BEND3: variants seen among roughly 807,000 people sequenced by gnomAD.
The protein encoded by BEND3 is BEN domain containing 3.
BEND3 carries 13 observed loss-of-function variants against 60.1 expected under a neutral mutation model. The observed-to-expected ratio is 0.22, with a 90% CI of 0.14 to 0.34. The LOEUF is 0.34. Ranked by LOEUF, BEND3 falls within the 10% of genes least tolerant of loss-of-function variation. The pLI, the probability that BEND3 is intolerant of heterozygous loss-of-function variation, is 1.00. For synonymous variants in BEND3, 497 were observed against 491.5 expected (o/e 1.01, Z -0.15); for missense variants, 896 against 1,138.1 (o/e 0.79, Z 3.06).
chr6:107,066,173 C>T lies in BEND3; in HGVS notation c.*2531G>A, dbSNP rs1554230801. On this transcript the variant is annotated 3_prime_UTR_variant, in exon 4 of 4. Coordinates refer to ENST00000369042, the MANE Select transcript of BEND3 (RefSeq NM_001367314.1). ...AGATGTGGGGGAAGGAAAGCGACTG[C>T]CAACAGGTTTCATGGAACACATTAA... 4 of 151,260 alleles carry T rather than the reference C, an allele frequency of 2.6e-5. No homozygotes were observed. The allele number at this position is 151,260 out of a possible 1,614,324, so 9.4% of individuals were successfully genotyped here.
rs1455642436 is a variant in BEND3 at position 107,068,962 on chromosome 6, G to C, written c.2229C>G (p.Leu743=). 5.6e-6 allele frequency: 9 copies of C among 1,613,732 alleles called. No individual in the cohort carries two copies. The Admixed American group carries it at 1.2e-4, about 21-fold the overall frequency. The change falls in exon 4 of 4, where the codon CTC becomes CTG. Residue 743 remains leucine (L), a synonymous_variant. Transcript: ENST00000369042. This position sits in a 1 kb window ranked among gnomAD's most constrained non-coding sequence, Gnocchi z 5.8. ...SLSVGNFAAR[L]LVRLFPELFT... is the part of the protein sequence containing the mutation. ...AGAGTTCGGGAAACAGGCGGACGAG[G>C]AGCCGGGCGGCAAAGTTGCCCACGG... is the stretch of plus-strand genomic sequence containing the variant.
intron 3 of BEND3, among the ~76,000 whole-genome samples, chr6:107,085,182 C>T (rs1350972743): frequency 2.6e-5 from 4 of 152,164 alleles, no homozygotes; most frequent in Non-Finnish European, 4.4e-5. Flanking sequence ...AGCGAGACCA[C>T]GAACCCACCG....
chr6:107,110,826 A>T (rs1482698999), intron 1 of BEND3, among the ~76,000 whole-genome samples: 3 of 150,914 alleles, frequency 2.0e-5, no homozygotes, highest in Non-Finnish European at 4.4e-5. Context: ...AAATGCTGGG[A>T]CTACAGGTGT....
chr6:107,110,766 G>A (rs1554238277), intron 1 of BEND3, among the ~76,000 whole-genome samples: 1 of 151,994 alleles, frequency 6.6e-6, no homozygotes, highest in Non-Finnish European at 1.5e-5. Context: ...TGTTGGCCAG[G>A]CTGGTCTGCA....
intron 1 of BEND3, among the ~76,000 whole-genome samples, chr6:107,104,678 ATT>A (rs781882799): frequency 1.6e-4 from 22 of 141,406 alleles, no homozygotes; most frequent in African/African-American, 4.4e-4. Context: ...TTTCTTTTGG[ATT>A]TTTTTTTTTT....
intron 1 of BEND3, among the ~76,000 whole-genome samples, chr6:107,114,650 G>A (rs1770220777): frequency 7.0e-6 from 1 of 142,196 alleles, no homozygotes. Flanking sequence ...AAGCCGCCGC[G>A]AGTACGGCAG....
At chr6:107,114,729 AGTGGGGCGG>A (rs1285060951) in intron 1 of BEND3, among the ~76,000 whole-genome samples, 1 of 144,214 alleles carries the variant, frequency 6.9e-6, no homozygotes, top group Non-Finnish European at 1.5e-5. Flanking sequence ...GCGCGGCGCG[AGTGGGGCGG>A]GCGGCGGCGG....
At chr6:107,114,351 C>T (rs1329838363) in intron 1 of BEND3, 1 of 152,114 alleles carries the variant, frequency 6.6e-6, no homozygotes, top group African/African-American at 2.4e-5. Flanking sequence ...GGGCCCGCCT[C>T]CAGCTCCTGG....
chr6:107,097,618 C>T (rs1436993765), intron 3 of BEND3, among the ~76,000 whole-genome samples: 4 of 151,342 alleles, frequency 2.6e-5, no homozygotes, highest in African/African-American at 2.4e-5. Flanking sequence ...TGGAGAAACC[C>T]TGTATCTACT....
rs1290018499 is a variant in BEND3, at chr6:107,065,310, G to C, written c.*3394C>G. ...TTTTTGTTACATTCAGTTTCCTAAG[G>C]ATGCACTCCAATCTATGGTAAAATG... On this transcript the variant is annotated 3_prime_UTR_variant, in exon 4 of 4. Transcript: ENST00000369042. The C allele has an allele frequency of 1.3e-5, 2 of 152,664 alleles. No homozygotes were observed. Among genetic ancestry groups the C allele is most frequent in the South Asian group, 2.1e-4 (1 of 4,818 alleles). The allele number at this position is 152,664 out of a possible 1,614,324, so 9.5% of individuals were successfully genotyped here.
At chr6:107,104,245 G>C (rs1237462476) in intron 1 of BEND3, among the ~76,000 whole-genome samples, 2 of 147,612 alleles carry the variant, frequency 1.4e-5, no homozygotes, top group Non-Finnish European at 3.0e-5. Flanking sequence ...AGCCGAGATC[G>C]CGCCACTGCA....
intron 3 of BEND3, among the ~76,000 whole-genome samples, chr6:107,077,207 G>A (rs1775118566): frequency 6.6e-6 from 1 of 152,136 alleles, no homozygotes; most frequent in African/African-American, 2.4e-5. Flanking sequence ...TTGAGCTCCA[G>A]TAATCGGCCC....
At position 107,069,926 on chromosome 6, in the gene BEND3, A is replaced by T; in HGVS notation, c.1265T>A (p.Leu422His). The change falls in exon 4 of 4, where the codon CTC (leucine) becomes CAC (histidine). Residue 422 changes from leucine (L) to histidine (H), a missense_variant. This residue lies in a region of BEND3 where 846 missense variants were observed against 1,036.7 expected (regional missense o/e 0.82). Coordinates refer to ENST00000369042, the MANE Select transcript of BEND3 (RefSeq NM_001367314.1). ...TTCACCCAGCTTGCGGTGGTCGAAG[A>T]GCTCGGGGAAGAGCCGGTGGAGGAG... ...VFLLHRLFPE[L>H]FDHRKLGEQY... The T allele has an allele frequency of 6.2e-7, 1 of 1,613,806 alleles. No homozygotes were observed. Among genetic ancestry groups the T allele is most frequent in the Non-Finnish European group, 8.5e-7 (1 of 1,180,010 alleles).
chr6:107,114,542 C>T lies in BEND3; in HGVS notation c.-12+548G>A, dbSNP rs536796552. 1,292 of 151,830 alleles carry T rather than the reference C, an allele frequency of 8.5e-3. 19 individuals carry two copies. Among genetic ancestry groups the T allele is most frequent in the African/African-American group, 0.029 (1,218 of 41,462 alleles). The allele number at this position is 151,830 out of a possible 1,614,324, so 9.4% of individuals were successfully genotyped here. A position where few individuals can be genotyped will look rare whatever the true frequency, so the allele number is the denominator to read the frequency against. ...CTCCCCCGGCCTCCCGCTCGCCGCCCGGCATCTCCCTCCAGTCCCCGCCCC... is the reference window on the plus strand; with the variant it reads ...CTCCCCCGGCCTCCCGCTCGCCGCCTGGCATCTCCCTCCAGTCCCCGCCCC... On this transcript the variant is annotated intron_variant, in intron 1 of 3. Transcript: ENST00000369042.
At chr6:107,077,342 C>T (rs986477200) in intron 3 of BEND3, among the ~76,000 whole-genome samples, 1 of 152,102 alleles carries the variant, frequency 6.6e-6, no homozygotes, top group African/African-American at 2.4e-5. Context: ...GGCGTGACCC[C>T]ACTACTGATC....
At chr6:107,113,943 T>C (rs1770189668) in intron 1 of BEND3, 1 of 152,252 alleles carries the variant, frequency 6.6e-6, no homozygotes, top group Admixed American at 6.5e-5. Context: ...ATGTTTACTA[T>C]TTGTATTCAA....
intron 3 of BEND3, among the ~76,000 whole-genome samples, chr6:107,082,024 A>G (rs1228704039): frequency 6.6e-6 from 1 of 152,182 alleles, no homozygotes; most frequent in African/African-American, 2.4e-5. Context: ...AACAATAGCC[A>G]CAATACTCCC....
chr6:107,069,300 A>G lies in BEND3; in HGVS notation c.1891T>C (p.Trp631Arg). Reference protein sequence around the residue: ...LYPRAKNDRVWTLEFVGKLDE... With the variant: ...LYPRAKNDRVRTLEFVGKLDE... ...AGTTTGCCCACGAACTCCAGGGTCCAGACGCGGTCGTTTTTGGCGCGTGGG... is the reference window on the plus strand; with the variant it reads ...AGTTTGCCCACGAACTCCAGGGTCCGGACGCGGTCGTTTTTGGCGCGTGGG... Residue 631 changes from tryptophan to arginine, a missense_variant, in exon 4 of 4, where the codon TGG becomes CGG. Physicochemically the swap from Trp to Arg is moderately radical, Grantham distance 101. This residue lies in a region of BEND3 where 846 missense variants were observed against 1,036.7 expected (regional missense o/e 0.82). Transcript: ENST00000369042. The G allele has an allele frequency of 6.2e-7, 1 of 1,613,364 alleles. No individual in the cohort carries two copies. The highest frequency in any genetic ancestry group is 8.5e-7 in the Non-Finnish European group (1 of 1,179,918).
In BEND3 at chr6:107,070,945, G is replaced by A; in HGVS notation, c.246C>T (p.Leu82=). Residue 82 remains leucine (L), a synonymous_variant, in exon 4 of 4, where the codon CTC becomes CTT. Transcript: ENST00000369042. This position sits in a 1 kb window ranked among gnomAD's most constrained non-coding sequence, Gnocchi z 6.9. ...TCTCACGGTTCCGCATGCCTGCTAG[G>A]AGAGCCTGCAAAACAAAAATCATTT... ...VKRRRLIPEA[L]LAGMRNRENS... is the part of the protein sequence containing the mutation. The A allele has an allele frequency of 6.2e-7, 1 of 1,603,794 alleles. No individual in the cohort carries two copies. The highest frequency in any genetic ancestry group is 8.5e-7 in the Non-Finnish European group (1 of 1,175,074).
Sources: gnomAD v4.1 joint callset for allele counts (sites outside exome capture counted in the v4.1 genomes callset) on GRCh38, gnomAD v4.1.1 for gene constraint, gnomAD v4.1.1 regional missense constraint, Gnocchi (gnomAD v3.1) non-coding constraint, MANE v1.5 for transcripts, NCBI Gene and HGNC (gene_info 2026-07-23, HGNC 2026-07-21) for gene names.